The following SLC24A4 variants were observed in gnomAD, a reference collection of about 807,000 sequenced individuals.
SLC24A4 encodes the protein sodium/potassium/calcium exchanger 4.
In SLC24A4, 53 loss-of-function variants were observed where a neutral mutation model predicts 79.0. That is an observed-to-expected ratio of 0.67 (90% CI 0.54 to 0.84). The LOEUF is 0.84. Ranked by LOEUF, SLC24A4 falls within the 40% of genes least tolerant of loss-of-function variation. SLC24A4 has a pLI of 0.00. For missense variants in SLC24A4, 731 were observed against 822.0 expected (o/e 0.89, Z 1.35); for synonymous variants, 323 against 323.8 (o/e 1.00, Z 0.03).
intron 2 of SLC24A4, among the ~76,000 whole-genome samples, chr14:92,406,884 C>T (rs1890416196): frequency 6.6e-6 from 1 of 152,184 alleles, no homozygotes; most frequent in South Asian, 2.1e-4. Flanking sequence ...TGCAGATTTC[C>T]GCAGCTGGCT....
chr14:92,439,232 C>T (rs143720974), intron 3 of SLC24A4, 103 bp from the exon 4 acceptor site: 21 of 908,090 alleles, frequency 2.3e-5, no homozygotes, highest in African/African-American at 8.2e-5. Context: ...CCGCTCTGTC[C>T]GCCTGGCCTC....
At chr14:92,431,134 G>T (rs1018402803) in intron 2 of SLC24A4, among the ~76,000 whole-genome samples, 1 of 152,220 alleles carries the variant, frequency 6.6e-6, no homozygotes, top group Non-Finnish European at 1.5e-5. Flanking sequence ...AGAAGGCTTT[G>T]TCTTCTCTTT....
intron 2 of SLC24A4, among the ~76,000 whole-genome samples, chr14:92,388,584 G>A (rs1889297151): frequency 1.3e-5 from 2 of 152,222 alleles, no homozygotes; most frequent in African/African-American, 4.8e-5. Context: ...GTCTCTGTTG[G>A]GGTGGACTCT....
chr14:92,427,941 T>C (rs1891657990), intron 2 of SLC24A4, among the ~76,000 whole-genome samples: 1 of 152,190 alleles, frequency 6.6e-6, no homozygotes, highest in Non-Finnish European at 1.5e-5. Context: ...TCCCTTCCAC[T>C]GTGTGAGGAT....
intron 2 of SLC24A4, among the ~76,000 whole-genome samples, chr14:92,392,134 T>C (rs918904438): frequency 6.6e-6 from 1 of 151,808 alleles, no homozygotes. Context: ...TACTGACCCA[T>C]GTCTTTCCAC....
intron 2 of SLC24A4, among the ~76,000 whole-genome samples, chr14:92,403,695 C>A (rs192702744): frequency 9.2e-5 from 14 of 152,064 alleles, no homozygotes; most frequent in Non-Finnish European, 1.5e-4. Context: ...TGCCTTCCCC[C>A]CTTCTAGATA....
At chr14:92,458,628 G>T (rs895057526) in intron 12 of SLC24A4, among the ~76,000 whole-genome samples, 1 of 152,222 alleles carries the variant, frequency 6.6e-6, no homozygotes, top group Admixed American at 6.5e-5. Context: ...TGGGAGGGCA[G>T]TGTGTCCACC....
intron 12 of SLC24A4, among the ~76,000 whole-genome samples, chr14:92,475,151 C>T (rs929168581): frequency 1.3e-5 from 2 of 152,034 alleles, no homozygotes; most frequent in African/African-American, 4.8e-5. Flanking sequence ...AAATAAGGCT[C>T]ATGAGGACTG....
In SLC24A4 at chr14:92,493,637, C is replaced by T. The variant is rs369728327; in HGVS notation, c.*9C>T. On this transcript the variant is annotated 3_prime_UTR_variant, in exon 17 of 17. Coordinates refer to ENST00000532405, the MANE Select transcript of SLC24A4 (RefSeq NM_153646.4). The stretch of plus-strand genomic sequence containing the variant: ...GCCGGGAAGACGATTAGCGCTGAGT[C>T]GCGGCCCCTGGGAGCTGATCTGGAC... The T allele has an allele frequency of 8.9e-5, 144 of 1,613,632 alleles. No individual in the cohort carries two copies. The highest frequency in any genetic ancestry group is 6.8e-5 in the Non-Finnish European group (80 of 1,179,814).
At chr14:92,413,962 C>T (rs1452346518) in intron 2 of SLC24A4, among the ~76,000 whole-genome samples, 2 of 152,030 alleles carry the variant, frequency 1.3e-5, no homozygotes, top group African/African-American at 4.8e-5. Flanking sequence ...TTGCATGTTC[C>T]CAGCCACCCA....
intron 3 of SLC24A4, among the ~76,000 whole-genome samples, chr14:92,438,353 C>T (rs573686029): frequency 2.0e-5 from 3 of 152,308 alleles, no homozygotes; most frequent in Admixed American, 1.3e-4. Context: ...CCTGTAATCC[C>T]AGCACTTTGG....
intron 2 of SLC24A4, among the ~76,000 whole-genome samples, chr14:92,351,715 T>A (rs1595151222): frequency 6.7e-6 from 1 of 149,724 alleles, no homozygotes; most frequent in African/African-American, 2.4e-5. Flanking sequence ...AAAAAAAAAA[T>A]TACCCAGGTG....
intron 2 of SLC24A4, among the ~76,000 whole-genome samples, chr14:92,415,198 G>T (rs1294813212): frequency 6.6e-6 from 1 of 152,152 alleles, no homozygotes; most frequent in East Asian, 1.9e-4. Flanking sequence ...CATGAGTTGT[G>T]TCACTCCCTG....
chr14:92,444,261 G>A (rs998670864), intron 7 of SLC24A4, among the ~76,000 whole-genome samples: 1 of 152,182 alleles, frequency 6.6e-6, no homozygotes, highest in Non-Finnish European at 1.5e-5. Context: ...ACATATTTCA[G>A]TATGTAAATG....
chr14:92,366,888 G>C (rs1176100449), intron 2 of SLC24A4, among the ~76,000 whole-genome samples: 1 of 152,208 alleles, frequency 6.6e-6, no homozygotes, highest in African/African-American at 2.4e-5. Flanking sequence ...CAGAGAGCTA[G>C]AGTGACTTGC....
intron 2 of SLC24A4, among the ~76,000 whole-genome samples, chr14:92,334,563 A>G (rs1331620251): frequency 6.6e-6 from 1 of 152,092 alleles, no homozygotes; most frequent in African/African-American, 2.4e-5. Flanking sequence ...CTCTTTCTTA[A>G]CAAAAGGAAG....
chr14:92,492,066 C>T (rs1257017666), intron 15 of SLC24A4, 109 bp from the exon 16 acceptor site: 2 of 1,018,064 alleles, frequency 2.0e-6, no homozygotes, highest in African/African-American at 1.6e-5. Flanking sequence ...CTGTAAACAC[C>T]TGTGTTTTCC....
upstream of SLC24A4, among the ~76,000 whole-genome samples, chr14:92,323,018 G>GT (rs201670507): frequency 0.021 from 3,227 of 152,266 alleles, 104 homozygotes; most frequent in African/African-American, 0.072. The surrounding 1 kb of genome is among the most constrained non-coding windows in gnomAD (Gnocchi z 4.9). Flanking sequence ...TTGGTCAGTA[G>GT]AGGTCCAACT....
chr14:92,363,305 C>T (rs1200469473), intron 2 of SLC24A4, among the ~76,000 whole-genome samples: 1 of 152,178 alleles, frequency 6.6e-6, no homozygotes, highest in African/African-American at 2.4e-5. Flanking sequence ...TAATACTGTG[C>T]GGGGTACCCA....
Sources: gnomAD v4.1 joint callset for allele counts (sites outside exome capture counted in the v4.1 genomes callset) on GRCh38, gnomAD v4.1.1 for gene constraint, Gnocchi (gnomAD v3.1) non-coding constraint, MANE v1.5 for transcripts, NCBI Gene and HGNC (gene_info 2026-07-23, HGNC 2026-07-21) for gene names.